The following SPHKAP variants were observed in gnomAD, a reference collection of about 807,000 sequenced individuals.
The protein encoded by SPHKAP is A-kinase anchor protein SPHKAP.
In SPHKAP, 67 loss-of-function variants were observed where a neutral mutation model predicts 137.5. That is an observed-to-expected ratio of 0.49 (90% CI 0.40 to 0.60). The LOEUF (loss-of-function observed/expected upper bound fraction) is 0.60, where lower values mean the gene tolerates loss of function less well. SPHKAP is among the 20% of genes least tolerant of loss of function. The pLI is 0.00. For missense variants in SPHKAP, 2,097 were observed against 2,069.3 expected, an observed-to-expected ratio of 1.01 and a Z score of -0.26; for synonymous variants, 813 against 785.3, an observed-to-expected ratio of 1.04 and a Z score of -0.59.
chr2:228,138,431 A>C (rs1054398876), intron 1 of SPHKAP, among the ~76,000 whole-genome samples: 1 of 152,032 alleles, frequency 6.6e-6, no homozygotes, highest in Non-Finnish European at 1.5e-5. Context: ...TGCTGTGTAC[A>C]TTTTTCTGGT....
chr2:228,043,252 C>A (rs1467967940), intron 3 of SPHKAP, among the ~76,000 whole-genome samples: 1 of 152,150 alleles, frequency 6.6e-6, no homozygotes, highest in Non-Finnish European at 1.5e-5. Context: ...TTCAATTTCT[C>A]AACACAATGT....
intron 1 of SPHKAP, among the ~76,000 whole-genome samples, chr2:228,174,804 G>A (rs1452310280): frequency 6.6e-6 from 1 of 152,124 alleles, no homozygotes; most frequent in Non-Finnish European, 1.5e-5. Context: ...GGTTCTGATG[G>A]AAAAGGCAGA....
At chr2:228,037,619 C>T (rs1695673303) in intron 3 of SPHKAP, among the ~76,000 whole-genome samples, 1 of 151,514 alleles carries the variant, frequency 6.6e-6, no homozygotes, top group East Asian at 2.0e-4. Context: ...CCCTCAATTT[C>T]CCTTAAGCCA....
At position 227,991,335 on chromosome 2, in the gene SPHKAP, G is replaced by A; in HGVS notation, c.4722-9C>T. On this transcript the variant is annotated splice_polypyrimidine_tract_variant and intron_variant, in intron 9 of 11. Transcript: ENST00000392056. ...TTTCTTCTACTAATTCACTTTGGGA[G>A]AAAACAACAGTATATGGTTGGTAAT... is the stretch of plus-strand genomic sequence containing the variant. 2 of 1,614,162 alleles carry A rather than the reference G, an allele frequency of 1.2e-6. No individual in the cohort carries two copies. Among genetic ancestry groups the A allele is most frequent in the Non-Finnish European group, 1.7e-6 (2 of 1,180,008 alleles).
At chr2:228,097,300 A>G (rs141943565) in intron 3 of SPHKAP, among the ~76,000 whole-genome samples, 2 of 152,226 alleles carry the variant, frequency 1.3e-5, no homozygotes, top group South Asian at 4.1e-4. Context: ...GAGAAATGGT[A>G]TAAAAACCCA....
intron 2 of SPHKAP, chr2:228,131,463 G>T: frequency 8.6e-6 from 2 of 233,572 alleles, no homozygotes; most frequent in Non-Finnish European, 1.4e-5. Flanking sequence ...AAGGGTTTTT[G>T]CAAGTATCTT....
At position 228,181,117 on chromosome 2, in the gene SPHKAP, C is replaced by T. The variant is rs535549650; in HGVS notation, c.32+450G>A. Among the ~76,000 whole-genome samples, 7 of 152,182 alleles carry T rather than the reference C, an allele frequency of 4.6e-5. No homozygotes were observed. The South Asian group carries it at 1.2e-3, about 27-fold the overall frequency. On this transcript the variant is annotated intron_variant, in intron 1 of 11. Coordinates refer to ENST00000392056, the MANE Select transcript of SPHKAP (RefSeq NM_001142644.2). The surrounding 1 kb of genome is among the most constrained non-coding windows in gnomAD (Gnocchi z 4.3). ...GGACAATCTTCCCCACCCCAGCAGC[C>T]CCAGACACCCGCCCAGGTCAAGGTG...
At chr2:228,122,875 A>G (rs1316897825) in intron 2 of SPHKAP, among the ~76,000 whole-genome samples, 1 of 152,108 alleles carries the variant, frequency 6.6e-6, no homozygotes, top group African/African-American at 2.4e-5. Context: ...GCTGAATCTG[A>G]ACTCATGGCT....
chr2:228,070,526 G>A (rs1274211317), intron 3 of SPHKAP, among the ~76,000 whole-genome samples: 3 of 151,890 alleles, frequency 2.0e-5, no homozygotes, highest in African/African-American at 7.3e-5. Flanking sequence ...TATCCTAGAG[G>A]GGTCCATGTC....
rs1292889736 is a variant in SPHKAP, at chr2:228,016,556, G to C, written c.4298C>G (p.Thr1433Arg). ...SREVPLIQIETDQREACAGEP... is the reference protein window; with the variant it reads ...SREVPLIQIERDQREACAGEP... ...CCCAGCACAGGCTTCTCTCTGATCTGTTTCAATCTGAATCAAAGGCACTTC... is the reference window on the plus strand; with the variant it reads ...CCCAGCACAGGCTTCTCTCTGATCTCTTTCAATCTGAATCAAAGGCACTTC... Residue 1433 changes from threonine (T) to arginine (R), a missense_variant, in exon 7 of 12, where the codon ACA becomes AGA. Transcript: ENST00000392056. 1.2e-6 allele frequency: 2 copies of C among 1,614,072 alleles called. No homozygotes were observed. Among genetic ancestry groups the C allele is most frequent in the Non-Finnish European group, 1.7e-6 (2 of 1,180,006 alleles).
At chr2:228,161,731 A>G (rs1352756228) in intron 1 of SPHKAP, among the ~76,000 whole-genome samples, 1 of 152,196 alleles carries the variant, frequency 6.6e-6, no homozygotes, top group Non-Finnish European at 1.5e-5. Context: ...ATAAAATAAA[A>G]TAAAATACAT....
intron 4 of SPHKAP, chr2:228,025,960 G>T (rs1470879960): frequency 1.0e-5 from 7 of 679,202 alleles, no homozygotes; most frequent in African/African-American, 2.0e-5. Flanking sequence ...GCCACGTGTT[G>T]TGGGAGGGAC....
intron 2 of SPHKAP, among the ~76,000 whole-genome samples, chr2:228,119,299 C>A (rs1309023302): frequency 6.6e-6 from 1 of 152,136 alleles, no homozygotes; most frequent in East Asian, 1.9e-4. Context: ...ATTGAAAAGA[C>A]ATTCATTGCT....
intron 1 of SPHKAP, among the ~76,000 whole-genome samples, chr2:228,151,483 C>T (rs912778535): frequency 1.3e-5 from 2 of 152,094 alleles, no homozygotes; most frequent in Non-Finnish European, 2.9e-5. Context: ...GTATTTCTAG[C>T]TCTAGATCCC....
intron 3 of SPHKAP, among the ~76,000 whole-genome samples, chr2:228,046,827 CCCCCT>C (rs1696076289): frequency 6.6e-6 from 1 of 152,052 alleles, no homozygotes; most frequent in Admixed American, 6.6e-5. Context: ...TCAAAAAGAC[CCCCCT>C]CCTTGGGCAA....
intron 1 of SPHKAP, among the ~76,000 whole-genome samples, chr2:228,177,479 C>T (rs1700778248): frequency 6.6e-6 from 1 of 152,110 alleles, no homozygotes; most frequent in African/African-American, 2.4e-5. Context: ...TCGTACTTGT[C>T]CCTGTTCCTC....
intron 1 of SPHKAP, among the ~76,000 whole-genome samples, chr2:228,146,720 A>G (rs1699786929): frequency 6.6e-6 from 1 of 152,254 alleles, no homozygotes; most frequent in South Asian, 2.1e-4. Flanking sequence ...GTGTTCCCGC[A>G]AAAGACACGA....
intron 3 of SPHKAP, among the ~76,000 whole-genome samples, chr2:228,052,316 A>G (rs984918328): frequency 1.3e-5 from 2 of 152,192 alleles, no homozygotes; most frequent in Admixed American, 6.5e-5. Context: ...TGAATAAAAC[A>G]TAAGAAAATA....
At chr2:227,984,555 G>A (rs1251292154) in intron 11 of SPHKAP, among the ~76,000 whole-genome samples, 1 of 152,142 alleles carries the variant, frequency 6.6e-6, no homozygotes, top group Non-Finnish European at 1.5e-5. Flanking sequence ...ATCTAAGAGT[G>A]TATGTAAGAT....
Sources: allele counts gnomAD v4.1 joint callset (sites outside exome capture counted in the v4.1 genomes callset), GRCh38; gene constraint gnomAD v4.1.1; non-coding constraint Gnocchi (gnomAD v3.1); transcripts MANE v1.5; gene names NCBI Gene and HGNC (gene_info 2026-07-23, HGNC 2026-07-21).